The following KANK1 variants were observed in gnomAD, a reference collection of about 807,000 sequenced individuals.
The protein encoded by KANK1 is KN motif and ankyrin repeat domains 1.
Under a neutral mutation model 106.2 loss-of-function variants are expected in KANK1, and 109 were observed. The ratio of observed to expected loss-of-function variants is 1.03; its 90% CI spans 0.88 to 1.20. The LOEUF (loss-of-function observed/expected upper bound fraction) is 1.20, where lower values mean the gene tolerates loss of function less well. Ranked by LOEUF, KANK1 falls within the 50% of genes most tolerant of loss-of-function variation. The pLI is 0.00. For missense variants in KANK1, 2,399 were observed against 1,710.7 expected, an observed-to-expected ratio of 1.40 and a Z score of -7.10; for synonymous variants, 873 against 652.2, an observed-to-expected ratio of 1.34 and a Z score of -5.16.
intron 1 of KANK1, among the ~76,000 whole-genome samples, chr9:554,215 G>A (rs1389993182): frequency 1.3e-5 from 2 of 152,244 alleles, no homozygotes; most frequent in African/African-American, 4.8e-5. Flanking sequence ...GTGTAATTCA[G>A]TCTGAGTCTG....
At chr9:524,423 A>C (rs1287785638) in intron 1 of KANK1, among the ~76,000 whole-genome samples, 1 of 151,790 alleles carries the variant, frequency 6.6e-6, no homozygotes, top group African/African-American at 2.4e-5. Context: ...CATTTATTAC[A>C]GAGATTTGTT....
chr9:695,472 C>CTTGA (rs3028271), intron 2 of KANK1, among the ~76,000 whole-genome samples: 114,011 of 151,680 alleles, frequency 0.75, 42,984 homozygotes, highest in Middle Eastern at 0.82. Context: ...CGTGTGCACA[C>CTTGA]ACACATCCCC....
chr9:587,621 G>C (rs929642576), intron 1 of KANK1, among the ~76,000 whole-genome samples: 1 of 152,196 alleles, frequency 6.6e-6, no homozygotes, highest in Non-Finnish European at 1.5e-5. Flanking sequence ...ATGTGTTGTT[G>C]TGTTAGCTTT....
intron 1 of KANK1, among the ~76,000 whole-genome samples, chr9:580,178 C>T (rs1484952531): frequency 1.3e-5 from 2 of 151,742 alleles, no homozygotes; most frequent in Non-Finnish European, 2.9e-5. Flanking sequence ...TGTAACAGCT[C>T]TTAAGGCGGC....
chr9:636,457 C>T (rs1837159142), intron 1 of KANK1, among the ~76,000 whole-genome samples: 1 of 152,140 alleles, frequency 6.6e-6, no homozygotes, highest in Non-Finnish European at 1.5e-5. Context: ...CTCTTCTGTT[C>T]CACAGCATTC....
intron 1 of KANK1, among the ~76,000 whole-genome samples, chr9:664,966 C>A (rs1012762267): frequency 9.9e-5 from 15 of 152,174 alleles, no homozygotes; most frequent in Non-Finnish European, 2.9e-5. Context: ...CATTTGTCCT[C>A]TGTTGAGAAA....
chr9:472,847 G>A (rs930719397), intron 2 of KANK1, among the ~76,000 whole-genome samples: 2 of 152,204 alleles, frequency 1.3e-5, no homozygotes, highest in African/African-American at 2.4e-5. Flanking sequence ...CATGAGTGAT[G>A]CTATCTTGGA....
At chr9:580,171 A>T (rs2641973) in intron 1 of KANK1, among the ~76,000 whole-genome samples, 122,804 of 151,828 alleles carry the variant, frequency 0.81, 50,023 homozygotes, top group African/African-American at 0.9. Flanking sequence ...CGGTGAGTGT[A>T]ACAGCTCTTA....
intron 1 of KANK1, among the ~76,000 whole-genome samples, chr9:643,484 G>C (rs985890510): frequency 6.7e-6 from 1 of 148,198 alleles, no homozygotes; most frequent in Non-Finnish European, 1.5e-5. Context: ...CGAAGAATTT[G>C]GTTTAAAAGC....
At chr9:630,040 G>T (rs1835288893) in intron 1 of KANK1, among the ~76,000 whole-genome samples, 1 of 151,718 alleles carries the variant, frequency 6.6e-6, no homozygotes, top group Non-Finnish European at 1.5e-5. Context: ...TTAAGGCCAG[G>T]AGTTCAAGAC....
chr9:662,825 C>G (rs1256964499), intron 1 of KANK1, among the ~76,000 whole-genome samples: 3 of 152,090 alleles, frequency 2.0e-5, no homozygotes, highest in Non-Finnish European at 2.9e-5. Flanking sequence ...CCACGCCTGG[C>G]TAATTTTTGT....
chr9:690,238 A>G (rs1248748753), intron 2 of KANK1, among the ~76,000 whole-genome samples: 1 of 144,982 alleles, frequency 6.9e-6, no homozygotes, highest in Admixed American at 7.1e-5. Flanking sequence ...CCCGGGAGGC[A>G]GAGGTTGCAG....
upstream of KANK1, among the ~76,000 whole-genome samples, chr9:504,309 GTTC>G (rs750373368): frequency 7.9e-5 from 12 of 151,844 alleles, no homozygotes; most frequent in East Asian, 9.9e-4. Context: ...GGTGGAGGAA[GTTC>G]TTCTGCTTAG....
intron 1 of KANK1, among the ~76,000 whole-genome samples, chr9:547,139 C>T (rs1020530165): frequency 6.6e-6 from 1 of 152,210 alleles, no homozygotes; most frequent in Non-Finnish European, 1.5e-5. Context: ...TCTCACATTG[C>T]AGCACGAGAG....
intron 1 of KANK1, among the ~76,000 whole-genome samples, chr9:646,689 G>T (rs1206595837): frequency 6.7e-6 from 1 of 148,558 alleles, no homozygotes; most frequent in Non-Finnish European, 1.5e-5. Context: ...TGTTTTTTAA[G>T]TATCTTTTTT....
chr9:500,075 A>G (rs182097567), upstream of KANK1, among the ~76,000 whole-genome samples: 24 of 152,338 alleles, frequency 1.6e-4, no homozygotes, highest in African/African-American at 5.8e-4. Flanking sequence ...GCTGCTTTTA[A>G]GAAACAGAAG....
chr9:679,922 A>C (rs1400141474), intron 2 of KANK1, among the ~76,000 whole-genome samples: 2 of 152,162 alleles, frequency 1.3e-5, no homozygotes, highest in African/African-American at 2.4e-5. Context: ...TCCAATGTTT[A>C]AAAAAATACT....
intron 1 of KANK1, among the ~76,000 whole-genome samples, chr9:587,059 C>G (rs1018246504): frequency 6.6e-6 from 1 of 152,174 alleles, no homozygotes; most frequent in Non-Finnish European, 1.5e-5. Flanking sequence ...TAGTGAATTA[C>G]TTTCATCTTT....
intron 2 of KANK1, chr9:684,068 G>T (rs769940836): frequency 3.4e-4 from 215 of 634,378 alleles, no homozygotes; most frequent in Non-Finnish European, 3.9e-4. Flanking sequence ...AATTCACCCA[G>T]CCCCCGGAGA....
Sources: allele counts gnomAD v4.1 joint callset (sites outside exome capture counted in the v4.1 genomes callset), GRCh38; gene constraint gnomAD v4.1.1; transcripts MANE v1.5; gene names NCBI Gene and HGNC (gene_info 2026-07-23, HGNC 2026-07-21).